PCGF3: variants seen among roughly 807,000 people sequenced by gnomAD.
The protein encoded by PCGF3 is polycomb group ring finger 3.
PCGF3 carries 7 observed loss-of-function variants against 33.1 expected under a neutral mutation model. The ratio of observed to expected loss-of-function variants is 0.21; its 90% CI spans 0.12 to 0.40. PCGF3 has a LOEUF of 0.40. Ranked by LOEUF, PCGF3 falls within the 10% of genes least tolerant of loss-of-function variation. The pLI, the probability that PCGF3 is intolerant of heterozygous loss-of-function variation, is 1.00. For missense variants in PCGF3, 211 were observed against 313.3 expected (o/e 0.67, Z 2.46); for synonymous variants, 153 against 121.3 (o/e 1.26, Z -1.72).
intron 1 of PCGF3, among the ~76,000 whole-genome samples, chr4:706,624 C>G (rs1462717387): frequency 2.1e-4 from 26 of 124,672 alleles, no homozygotes; most frequent in African/African-American, 7.6e-4. Flanking sequence ...CCGGGAGGGC[C>G]AAGACCCCAG....
At chr4:729,228 A>G (rs1490410487) in intron 1 of PCGF3, among the ~76,000 whole-genome samples, 1 of 151,708 alleles carries the variant, frequency 6.6e-6, no homozygotes, top group Non-Finnish European at 1.5e-5. Context: ...CAGCCTGGAT[A>G]ACAGACTGAG....
At chr4:750,521 C>T (rs1744465003) in intron 8 of PCGF3, among the ~76,000 whole-genome samples, 1 of 152,208 alleles carries the variant, frequency 6.6e-6, no homozygotes, top group Non-Finnish European at 1.5e-5. Context: ...TGGCCCTTCA[C>T]AAGTGACCTA....
chr4:734,813 A>G lies in PCGF3; in HGVS notation c.110-118A>G, dbSNP rs151267675. On this transcript the variant is annotated intron_variant, in intron 4 of 10. Coordinates refer to ENST00000362003, the Ensembl canonical transcript of PCGF3. ...AGAAGCTGAGAGCCACAAGGAGGAC[A>G]GCAGTGAGCATCTGCACAGAAACGA... 122 of 1,461,622 alleles carry G rather than the reference A, an allele frequency of 8.3e-5. 1 individual carries two copies. The Middle Eastern group carries it at 1.4e-3, about 16-fold the overall frequency. The allele number at this position is 1,461,622 out of a possible 1,614,324, so 90.5% of individuals were successfully genotyped here.
intron 1 of PCGF3, among the ~76,000 whole-genome samples, chr4:717,767 T>C (rs1742919137): frequency 6.6e-6 from 1 of 152,230 alleles, no homozygotes; most frequent in African/African-American, 2.4e-5. Context: ...GGGCGTGTTC[T>C]GGGCACAGGG....
rs139474186 is a variant in PCGF3, at chr4:733,758, C to T, written c.78C>T (p.Asp26=). 2.9e-4 allele frequency: 463 copies of T among 1,613,518 alleles called. 1 individual carries two copies. The African/African-American group carries it at 5.1e-3, about 18-fold the overall frequency. Reference sequence around the variant, plus strand: ...GCCTGTGCAGCGGGTACCTCATCGACGCCACCACGGTGACCGAGTGTCTGC... The same window carrying T: ...GCCTGTGCAGCGGGTACCTCATCGATGCCACCACGGTGACCGAGTGTCTGC... The change falls in exon 4 of 11, where the codon GAC becomes GAT. Residue 26 remains aspartate (D), a synonymous_variant. Coordinates refer to ENST00000362003, the Ensembl canonical transcript of PCGF3.
intron 1 of PCGF3, among the ~76,000 whole-genome samples, chr4:708,157 G>C (rs1051517014): frequency 6.6e-6 from 1 of 152,136 alleles, no homozygotes. Flanking sequence ...TGGACAGTGA[G>C]AAGGGCTCAT....
intron 1 of PCGF3, among the ~76,000 whole-genome samples, chr4:712,741 C>T (rs539754414): frequency 3.9e-5 from 6 of 152,218 alleles, no homozygotes; most frequent in South Asian, 2.1e-4. Flanking sequence ...CCACCGCGCC[C>T]GGCCAATAAA....
At chr4:761,805 T>G (rs1023272653) in intron 9 of PCGF3, 1 of 985,310 alleles carries the variant, frequency 1.0e-6, no homozygotes, top group Non-Finnish European at 1.2e-6. Context: ...AGTGCTGGCA[T>G]GAGGCGGCCT....
intron 1 of PCGF3, among the ~76,000 whole-genome samples, chr4:713,061 C>G (rs1349378016): frequency 1.4e-5 from 2 of 141,614 alleles, no homozygotes; most frequent in Non-Finnish European, 1.5e-5. Flanking sequence ...GGCTGTGTAC[C>G]TCCTGGGGGC....
At chr4:724,842 G>T (rs1743260219) in intron 1 of PCGF3, among the ~76,000 whole-genome samples, 1 of 151,970 alleles carries the variant, frequency 6.6e-6, no homozygotes, top group Non-Finnish European at 1.5e-5. Flanking sequence ...GTGCACGCCT[G>T]TAGTCCCAGC....
intron 6 of PCGF3, among the ~76,000 whole-genome samples, chr4:742,555 G>A (rs905870035): frequency 6.6e-6 from 1 of 152,194 alleles, no homozygotes; most frequent in Admixed American, 6.5e-5. Context: ...AGTGACCCAC[G>A]TCGTCCACTG....
intron 8 of PCGF3, among the ~76,000 whole-genome samples, chr4:755,283 G>A (rs574401458): frequency 1.3e-5 from 2 of 151,754 alleles, no homozygotes; most frequent in East Asian, 4.0e-4. Context: ...GGGCAGGTGT[G>A]TTCCACGGTA....
At chr4:731,436 G>A (rs372904862) in intron 3 of PCGF3, 12 of 349,258 alleles carry the variant, frequency 3.4e-5, no homozygotes, top group South Asian at 2.1e-4. Context: ...GTTGTGAGGC[G>A]GTCGGCTAGC....
At chr4:733,988 C>G in intron 4 of PCGF3, 199 bp downstream of exon 4, 1 of 1,551,230 alleles carries the variant, frequency 6.4e-7, no homozygotes, top group Middle Eastern at 1.7e-4. Context: ...GGTGTCAGAG[C>G]AGATGAGGCC....
intron 6 of PCGF3, 53 bp downstream of exon 6, chr4:737,574 GC>G (rs1422950928): frequency 8.8e-7 from 1 of 1,131,856 alleles, no homozygotes; most frequent in Non-Finnish European, 1.3e-6. Flanking sequence ...GGCCTCTGCA[GC>G]CCCTGCTCTC....
rs778810784 is a variant in PCGF3, at chr4:736,038, TA to T, written c.206+1012del. 1.6e-4 allele frequency among the ~76,000 whole-genome samples: 24 copies of T among 152,076 alleles called. No individual in the cohort carries two copies. In the South Asian group the frequency reaches 1.7e-3, roughly 11 times the overall value. On this transcript the variant is annotated intron_variant, in intron 5 of 10. Transcript: ENST00000362003. Reference sequence around the variant, plus strand: ...GTTTGTTTTTCCCTTTTATTATTATTATTTTTCTTAATTTTATTTATTTTTC... The same window carrying T: ...GTTTGTTTTTCCCTTTTATTATTATTTTTTTCTTAATTTTATTTATTTTTC...
At chr4:750,883 C>G (rs1397269842) in intron 8 of PCGF3, among the ~76,000 whole-genome samples, 1 of 151,968 alleles carries the variant, frequency 6.6e-6, no homozygotes, top group African/African-American at 2.4e-5. Flanking sequence ...CGCTCTAACC[C>G]CCGATTCTCT....
intron 1 of PCGF3, among the ~76,000 whole-genome samples, chr4:710,652 A>T (rs1172967099): frequency 2.0e-5 from 3 of 152,242 alleles, no homozygotes; most frequent in African/African-American, 7.2e-5. Flanking sequence ...CATGATTGAG[A>T]TATTTGTGAT....
chr4:752,107 C>CT (rs1433768242), intron 8 of PCGF3, among the ~76,000 whole-genome samples: 1 of 152,272 alleles, frequency 6.6e-6, no homozygotes, highest in Non-Finnish European at 1.5e-5. Flanking sequence ...GGGGATCCTC[C>CT]TGGAAGATGG....
Sources: gnomAD v4.1 joint callset for allele counts (sites outside exome capture counted in the v4.1 genomes callset) on GRCh38, gnomAD v4.1.1 for gene constraint, MANE v1.5 for transcripts, NCBI Gene and HGNC (gene_info 2026-07-23, HGNC 2026-07-21) for gene names.